The following HYLS1 variants were observed in gnomAD, a reference collection of about 807,000 sequenced individuals.
HYLS1 encodes centriolar and ciliogenesis-associated protein HYLS1.
Under a neutral mutation model 29.4 loss-of-function variants are expected in HYLS1, and 25 were observed. The observed-to-expected ratio is 0.85, with a 90% confidence interval of 0.62 to 1.19. HYLS1 has a LOEUF of 1.19. Ranked by LOEUF, HYLS1 falls within the 50% of genes most tolerant of loss-of-function variation. The pLI is 0.00. For synonymous variants in HYLS1, 128 were observed against 126.7 expected, an observed-to-expected ratio of 1.01 and a Z score of -0.07; for missense variants, 352 against 365.1, an observed-to-expected ratio of 0.96 and a Z score of 0.29.
chr11:125,893,875 G>T (rs902111087), intron 2 of HYLS1: 1 of 1,614,074 alleles, frequency 6.2e-7, no homozygotes, highest in Non-Finnish European at 8.5e-7. Context: ...TGTCATTACA[G>T]TCCCTTTTGG....
At chr11:125,895,171 C>T (rs1388453213) in intron 2 of HYLS1, 1 of 1,439,806 alleles carries the variant, frequency 6.9e-7, no homozygotes. Flanking sequence ...CTCAAGCGTC[C>T]CGAGTAGCTG....
chr11:125,892,726 T>G (rs563932014), intron 2 of HYLS1, among the ~76,000 whole-genome samples: 122 of 152,312 alleles, frequency 8.0e-4, no homozygotes, highest in Middle Eastern at 3.4e-3. Context: ...AGCAGCCCCC[T>G]AATTGGTCAC....
chr11:125,889,889 T>G (rs914211463), intron 1 of HYLS1, among the ~76,000 whole-genome samples: 1 of 151,978 alleles, frequency 6.6e-6, no homozygotes, highest in African/African-American at 2.4e-5. Context: ...TGAAATGATG[T>G]CTTAATGCTT....
upstream of HYLS1, chr11:125,887,639 T>G (rs1944328681): frequency 6.6e-6 from 1 of 152,338 alleles, no homozygotes; most frequent in African/African-American, 2.4e-5. Context: ...CGGTCGGCGG[T>G]TAACCGCAGG....
At chr11:125,895,940 C>T in intron 2 of HYLS1, 1 of 1,613,816 alleles carries the variant, frequency 6.2e-7, no homozygotes, top group Non-Finnish European at 8.5e-7. Context: ...TATCTGTTCT[C>T]CCACATCGGT....
chr11:125,886,919 CAAAAAAAAA>C (rs34048608), upstream of HYLS1: 2 of 84,768 alleles, frequency 2.4e-5, no homozygotes, highest in Non-Finnish European at 4.4e-5. Flanking sequence ...AACTCCGTCT[CAAAAAAAAA>C]AAAAAAAAAA....
chr11:125,895,326 C>T (rs184904057), intron 2 of HYLS1: 7 of 1,614,184 alleles, frequency 4.3e-6, no homozygotes, highest in Admixed American at 1.7e-5. Flanking sequence ...AGCCATCATA[C>T]ATCGGACTTG....
chr11:125,884,273 T>C (rs1944270444), upstream of HYLS1, among the ~76,000 whole-genome samples: 1 of 152,222 alleles, frequency 6.6e-6, no homozygotes, highest in Admixed American at 6.5e-5. Flanking sequence ...TCTGGATATC[T>C]GATGATAGTA....
At chr11:125,888,217 C>T (rs1341547823) in intron 1 of HYLS1, 2 of 152,266 alleles carry the variant, frequency 1.3e-5, no homozygotes, top group Non-Finnish European at 2.9e-5. Flanking sequence ...TTGTCGCCTT[C>T]TAGCTGCACC....
chr11:125,894,792 T>G (rs527441871), intron 2 of HYLS1, among the ~76,000 whole-genome samples: 2 of 152,354 alleles, frequency 1.3e-5, no homozygotes, highest in African/African-American at 4.8e-5. Context: ...ATTTTAATTT[T>G]ACCACATCCT....
chr11:125,897,994 G>A (rs183338039), intron 2 of HYLS1, among the ~76,000 whole-genome samples: 49 of 152,204 alleles, frequency 3.2e-4, no homozygotes, highest in African/African-American at 1.0e-3. Flanking sequence ...TTGGAATTCC[G>A]CGCAACATAA....
At chr11:125,889,334 G>A (rs1446220616) in intron 1 of HYLS1, among the ~76,000 whole-genome samples, 2 of 152,088 alleles carry the variant, frequency 1.3e-5, no homozygotes, top group Admixed American at 6.5e-5. Flanking sequence ...GTGGTCACTT[G>A]TATGTATACA....
intron 2 of HYLS1, among the ~76,000 whole-genome samples, chr11:125,893,061 C>A (rs1054536009): frequency 2.0e-5 from 3 of 152,224 alleles, no homozygotes; most frequent in Non-Finnish European, 2.9e-5. Context: ...TCTGCAAGAT[C>A]TAGCTTCAAT....
Position 125,899,885 on chromosome 11 carries a change from C to T in HYLS1, c.517C>T (p.Gln173Ter). The T allele has an allele frequency of 1.2e-6, 2 of 1,614,202 alleles. No homozygotes were observed. The highest frequency in any genetic ancestry group is 1.7e-6 in the Non-Finnish European group (2 of 1,180,034). ...TCAAGATCAGCTCATTTGCTCTCTA[C>T]AAAGAGAAGGAATGGGCTCTCCAGC... Reference protein sequence around the residue: ...ISQDQLICSLQREGMGSPAYE... With the variant: ...ISQDQLICSL Residue 173 changes from glutamine to a stop codon, truncating the protein, a stop_gained, in exon 3 of 3, where the codon CAA becomes TAA. Coordinates refer to ENST00000425380, the MANE Select transcript of HYLS1 (RefSeq NM_001134793.2). LOFTEE classifies it high-confidence loss of function.
intron 2 of HYLS1, among the ~76,000 whole-genome samples, chr11:125,897,520 A>C (rs915784144): frequency 2.3e-5 from 1 of 43,720 alleles, no homozygotes; most frequent in African/African-American, 5.2e-5. Context: ...TTAATGAAAA[A>C]GTAAAAAAAA....
chr11:125,894,980 A>G (rs1044857014), intron 2 of HYLS1, among the ~76,000 whole-genome samples: 3 of 152,176 alleles, frequency 2.0e-5, no homozygotes, highest in African/African-American at 4.8e-5. Context: ...ATTCAGAGTA[A>G]AGCTTCATGA....
Position 125,900,037 on chromosome 11 carries a change from G to A in HYLS1, c.669G>A (p.Trp223Ter). The change falls in exon 3 of 3, where the codon TGG becomes TGA. Residue 223 changes from tryptophan (W) to a stop codon, truncating the protein, a stop_gained. Coordinates refer to ENST00000425380, the MANE Select transcript of HYLS1 (RefSeq NM_001134793.2). LOFTEE classifies it high-confidence loss of function. ...VARYFEYKRD[W>*]DSIRLPGEDH... ...GGTATTTTGAGTACAAACGGGACTG[G>A]GACTCAATACGTTTACCTGGTGAAG... 6.2e-7 allele frequency: 1 copy of A among 1,614,160 alleles called. No homozygotes were observed. The highest frequency in any genetic ancestry group is 1.1e-5 in the South Asian group (1 of 91,078).
At chr11:125,897,834 A>T (rs536183548) in intron 2 of HYLS1, among the ~76,000 whole-genome samples, 2 of 152,276 alleles carry the variant, frequency 1.3e-5, no homozygotes, top group African/African-American at 4.8e-5. Flanking sequence ...CTTTTGGCCC[A>T]CCTCTCCCAT....
At chr11:125,890,243 C>T (rs1314744569) in intron 1 of HYLS1, among the ~76,000 whole-genome samples, 1 of 7,158 alleles carries the variant, frequency 1.4e-4, no homozygotes, top group Non-Finnish European at 8.8e-4. Context: ...CTGCGCCCAG[C>T]TGTTTGTTAG....
Sources: allele counts gnomAD v4.1 joint callset (sites outside exome capture counted in the v4.1 genomes callset), GRCh38; gene constraint gnomAD v4.1.1; transcripts MANE v1.5; gene names NCBI Gene and HGNC (gene_info 2026-07-23, HGNC 2026-07-21).